The following CNNM3 variants were observed in gnomAD, a reference collection of about 807,000 sequenced individuals.
CNNM3 encodes the protein metal transporter CNNM3.
In CNNM3, 47 loss-of-function variants were observed where a neutral mutation model predicts 57.1. The ratio of observed to expected loss-of-function variants is 0.82; its 90% confidence interval spans 0.65 to 1.05. The LOEUF (loss-of-function observed/expected upper bound fraction) is 1.05, where lower values mean the gene tolerates loss of function less well. Among genes scored for constraint, CNNM3 ranks in the 50% least tolerant of loss-of-function variants. The pLI is 0.00. For missense variants in CNNM3, 957 were observed against 973.7 expected, an observed-to-expected ratio of 0.98 and a Z score of 0.23; for synonymous variants, 507 against 478.2, an observed-to-expected ratio of 1.06 and a Z score of -0.79.
chr2:96,826,057 G>A (rs538055371), intron 2 of CNNM3, among the ~76,000 whole-genome samples: 20 of 152,300 alleles, frequency 1.3e-4, no homozygotes, highest in African/African-American at 4.1e-4. Flanking sequence ...TTAATCATGC[G>A]TCGATTTTCA....
intron 2 of CNNM3, among the ~76,000 whole-genome samples, chr2:96,825,629 G>A (rs901521283): frequency 3.3e-5 from 5 of 152,304 alleles, no homozygotes; most frequent in Middle Eastern, 6.8e-3. Flanking sequence ...CTGGCTGGGC[G>A]CAGTGGCTCA....
downstream of CNNM3, among the ~76,000 whole-genome samples, chr2:96,835,910 T>C (rs2079685036): frequency 1.3e-5 from 2 of 152,206 alleles, no homozygotes; most frequent in South Asian, 4.1e-4. Flanking sequence ...GTTTTTCATT[T>C]GCATTTCCCA....
In CNNM3 at chr2:96,816,918, A is replaced by C. The variant is rs1232311263; in HGVS notation, c.641A>C (p.Tyr214Ser). ...LAQAALAVLL[Y>S]RAAGQRAVPA... Reference sequence around the variant, plus strand: ...CAGGCGGCGCTGGCGGTGCTGCTGTACCGCGCGGCCGGCCAGCGTGCGGTG... The same window carrying C: ...CAGGCGGCGCTGGCGGTGCTGCTGTCCCGCGCGGCCGGCCAGCGTGCGGTG... Residue 214 changes from tyrosine to serine, a missense_variant, in exon 1 of 8, where the codon TAC becomes TCC. Physicochemically the swap from Tyr to Ser is moderately radical, Grantham distance 144. Transcript: ENST00000305510. The C allele has an allele frequency of 4.2e-6, 5 of 1,191,522 alleles. No individual in the cohort carries two copies. Among genetic ancestry groups the C allele is most frequent in the Non-Finnish European group, 4.2e-6 (4 of 963,640 alleles). The allele number at this position is 1,191,522 out of a possible 1,614,324, so 73.8% of individuals were successfully genotyped here.
At chr2:96,828,386 C>T in intron 5 of CNNM3, 181 bp from the exon 6 acceptor site, 2 of 877,966 alleles carry the variant, frequency 2.3e-6, no homozygotes, top group Non-Finnish European at 3.5e-6. Context: ...TTGTGGCCCA[C>T]TCCACCCCTG....
intron 1 of CNNM3, among the ~76,000 whole-genome samples, chr2:96,818,376 C>CCCG (rs927459935): frequency 1.4e-4 from 21 of 150,064 alleles, no homozygotes; most frequent in Non-Finnish European, 2.5e-4. Flanking sequence ...AGCCACTGTG[C>CCCG]CCGGCCCTTT....
At chr2:96,822,141 T>C (rs1164409577) in intron 1 of CNNM3, among the ~76,000 whole-genome samples, 1 of 151,784 alleles carries the variant, frequency 6.6e-6, no homozygotes, top group Non-Finnish European at 1.5e-5. Context: ...TAGCTGGGAC[T>C]ACAGGCGTGC....
rs1328006069 is a variant in CNNM3 at position 96,834,285 on chromosome 2, G to C, written c.*1669G>C. 6.6e-6 allele frequency among the ~76,000 whole-genome samples: 1 copy of C among 151,882 alleles called. No homozygotes were observed. The highest frequency in any genetic ancestry group is 2.4e-5 in the African/African-American group (1 of 41,314). On this transcript the variant is annotated 3_prime_UTR_variant, in exon 8 of 8. Coordinates refer to ENST00000305510, the MANE Select transcript of CNNM3 (RefSeq NM_017623.5). ...ATACGTGGACCTGCCACCAGAGCTT[G>C]TGATTTAATCAGAGTCGGCATCAGA...
intron 6 of CNNM3, 45 bp downstream of exon 6, chr2:96,828,745 G>T: frequency 6.2e-7 from 1 of 1,611,096 alleles, no homozygotes; most frequent in Non-Finnish European, 8.5e-7. Context: ...AGCCGACTTT[G>T]TGTCACCGGG....
chr2:96,827,015 C>T, intron 3 of CNNM3, 33 bp downstream of exon 3: 3 of 1,607,094 alleles, frequency 1.9e-6, no homozygotes, highest in East Asian at 2.2e-5. Context: ...GCCCCCTGCT[C>T]TCCTCACCGT....
At chr2:96,831,512 A>G (rs1574117524) in intron 7 of CNNM3, among the ~76,000 whole-genome samples, 1 of 152,214 alleles carries the variant, frequency 6.6e-6, no homozygotes, top group Admixed American at 6.5e-5. Flanking sequence ...CTAGCAGCCT[A>G]TTTTTGAGAA....
In CNNM3 at chr2:96,829,122, A is replaced by G. The variant is rs1408237257; in HGVS notation, c.2047A>G (p.Thr683Ala). The change falls in exon 7 of 8, where the codon ACC becomes GCC. Residue 683 changes from threonine to alanine, a missense_variant. Around this residue, in one of 2 missense-constraint regions of CNNM3, gnomAD observed 491 missense variants for 570.6 expected, o/e 0.86. Transcript: ENST00000305510. ...SQTRLLGEKT[T>A]TAAGSSHSRP... ...GACCAGGCTCCTTGGTGAGAAGACC[A>G]CCACAGCGGCAGGTGAGTGCCAAGT... The G allele has an allele frequency of 6.2e-7, 1 of 1,613,688 alleles. No individual in the cohort carries two copies. The highest frequency in any genetic ancestry group is 8.5e-7 in the Non-Finnish European group (1 of 1,179,976).
intron 3 of CNNM3, among the ~76,000 whole-genome samples, chr2:96,827,265 CTTTTTTT>C (rs373030542): frequency 0.013 from 1,735 of 134,750 alleles, 43 homozygotes; most frequent in African/African-American, 0.045. Flanking sequence ...CTGCCCAGTT[CTTTTTTT>C]TTTTTTTTTT....
chr2:96,828,067 G>A (rs768696883), intron 4 of CNNM3, 32 bp from the exon 5 acceptor site: 25 of 1,596,698 alleles, frequency 1.6e-5, no homozygotes, highest in South Asian at 6.6e-5. Flanking sequence ...TAATCTGGCC[G>A]CATCTGTTTC....
At chr2:96,824,541 C>G (rs544624110) in intron 1 of CNNM3, 1 of 158,264 alleles carries the variant, frequency 6.3e-6, no homozygotes, top group South Asian at 1.9e-4. Flanking sequence ...GTAGGATGGA[C>G]AGCATATATA....
Position 96,834,330 on chromosome 2 carries a change from T to TTTTTTATTA in CNNM3, c.*1716_*1717insTTTATTATT, listed in dbSNP as rs1553484169. 1.4e-5 allele frequency among the ~76,000 whole-genome samples: 2 copies of TTTTTTATTA among 146,440 alleles called. No homozygotes were observed. Among genetic ancestry groups the TTTTTTATTA allele is most frequent in the African/African-American group, 5.1e-5 (2 of 38,986 alleles). ...ATCAGAGTTTTCAATTTTTTATTTA[T>TTTTTTATTA]TTATTATTATTATTATTATTATTAT... On this transcript the variant is annotated 3_prime_UTR_variant, in exon 8 of 8. Coordinates refer to ENST00000305510, the MANE Select transcript of CNNM3 (RefSeq NM_017623.5).
chr2:96,830,434 A>G (rs1260035388), intron 7 of CNNM3, among the ~76,000 whole-genome samples: 1 of 152,208 alleles, frequency 6.6e-6, no homozygotes, highest in African/African-American at 2.4e-5. Flanking sequence ...TGCTTCCTGT[A>G]GGCCTCCCGT....
chr2:96,826,213 T>A (rs969416732), intron 2 of CNNM3, among the ~76,000 whole-genome samples: 1 of 152,098 alleles, frequency 6.6e-6, no homozygotes, highest in African/African-American at 2.4e-5. Flanking sequence ...TATTATTTTT[T>A]AATTTTTTTT....
At chr2:96,817,750 G>GGC (rs1431713511) in intron 1 of CNNM3, among the ~76,000 whole-genome samples, 4 of 139,934 alleles carry the variant, frequency 2.9e-5, no homozygotes, top group African/African-American at 1.0e-4. Context: ...CGTCAGGATA[G>GGC]CCCCCCCCCC....
chr2:96,824,447 C>T (rs1311600043), intron 1 of CNNM3: 2 of 153,956 alleles, frequency 1.3e-5, no homozygotes, highest in Non-Finnish European at 2.9e-5. Context: ...CACACATACA[C>T]ACAGTCTATC....
Sources: allele counts gnomAD v4.1 joint callset (sites outside exome capture counted in the v4.1 genomes callset), GRCh38; gene constraint gnomAD v4.1.1; regional missense constraint gnomAD v4.1.1; transcripts MANE v1.5; gene names NCBI Gene and HGNC (gene_info 2026-07-23, HGNC 2026-07-21).